Variants in ST6GALNAC3 observed in about 807,000 individuals in gnomAD.
ST6GALNAC3 encodes the protein alpha-N-acetylgalactosaminide alpha-2,6-sialyltransferase 3.
A neutral mutation model predicts 32.7 loss-of-function variants in ST6GALNAC3; 25 were observed. That is an observed-to-expected ratio of 0.76 (90% CI 0.56 to 1.07). The LOEUF is 1.07. Ranked by LOEUF, ST6GALNAC3 falls within the 50% of genes least tolerant of loss-of-function variation. The probability of loss-of-function intolerance (pLI) is 0.00; values close to 1 mark genes in which losing one functional copy is unlikely to be tolerated. For synonymous variants in ST6GALNAC3, 129 were observed against 133.1 expected, an observed-to-expected ratio of 0.97 and a Z score of 0.21; for missense variants, 355 against 382.4, an observed-to-expected ratio of 0.93 and a Z score of 0.60.
chr1:76,577,821 G>C (rs1557593449), intron 3 of ST6GALNAC3, among the ~76,000 whole-genome samples: 1 of 151,966 alleles, frequency 6.6e-6, no homozygotes, highest in Non-Finnish European at 1.5e-5. Context: ...TGTTCACTTG[G>C]AGAAAGAGAC....
chr1:76,488,517 C>G (rs930217517), intron 3 of ST6GALNAC3, among the ~76,000 whole-genome samples: 7 of 152,170 alleles, frequency 4.6e-5, no homozygotes, highest in Non-Finnish European at 2.9e-5. Flanking sequence ...TAACTAACAA[C>G]ATGAAAACCA....
intron 3 of ST6GALNAC3, among the ~76,000 whole-genome samples, chr1:76,528,804 G>C (rs747257447): frequency 6.6e-6 from 1 of 151,160 alleles, no homozygotes; most frequent in Admixed American, 6.6e-5. Context: ...GGCAAAATCA[G>C]CTCACCATAG....
chr1:76,353,895 A>T (rs942435485), intron 2 of ST6GALNAC3: 15 of 158,270 alleles, frequency 9.5e-5, no homozygotes, highest in Non-Finnish European at 2.1e-4. Flanking sequence ...CTACTCCCCA[A>T]ACCCAAGCAG....
At chr1:76,606,861 T>G (rs1307461293) in intron 3 of ST6GALNAC3, among the ~76,000 whole-genome samples, 2 of 151,220 alleles carry the variant, frequency 1.3e-5, no homozygotes, top group East Asian at 1.9e-4. Context: ...TGTGGGTTTT[T>G]TTTTTTTTTT....
intron 3 of ST6GALNAC3, among the ~76,000 whole-genome samples, chr1:76,503,230 C>T (rs1661282992): frequency 6.6e-6 from 1 of 152,240 alleles, no homozygotes; most frequent in Non-Finnish European, 1.5e-5. Flanking sequence ...AGAGCTCACT[C>T]TCTTGCCTTC....
intron 2 of ST6GALNAC3, among the ~76,000 whole-genome samples, chr1:76,356,238 T>C (rs1171646593): frequency 6.6e-6 from 1 of 152,150 alleles, no homozygotes; most frequent in African/African-American, 2.4e-5. Context: ...GAATCCATCC[T>C]CCATTGCCTT....
chr1:76,620,643 G>A (rs901091666), intron 3 of ST6GALNAC3, among the ~76,000 whole-genome samples: 8 of 151,930 alleles, frequency 5.3e-5, no homozygotes, highest in South Asian at 4.2e-4. Flanking sequence ...TCTTATCCCC[G>A]TAATCTCATC....
chr1:76,311,269 C>T (rs1010941087), intron 1 of ST6GALNAC3, among the ~76,000 whole-genome samples: 4 of 117,774 alleles, frequency 3.4e-5, no homozygotes, highest in African/African-American at 6.2e-5. Context: ...CCCCCCACCC[C>T]GCCTTTTTTT....
intron 2 of ST6GALNAC3, among the ~76,000 whole-genome samples, chr1:76,361,210 T>G (rs1280752462): frequency 1.3e-5 from 2 of 152,170 alleles, no homozygotes; most frequent in Non-Finnish European, 2.9e-5. Context: ...TCCATACACA[T>G]TAAACAACTC....
At chr1:76,239,566 A>G (rs116445380) in intron 1 of ST6GALNAC3, among the ~76,000 whole-genome samples, 2 of 152,132 alleles carry the variant, frequency 1.3e-5, no homozygotes, top group African/African-American at 4.8e-5. Context: ...GGAAGGGAGA[A>G]GATGCCAGAC....
intron 2 of ST6GALNAC3, among the ~76,000 whole-genome samples, chr1:76,375,043 A>T (rs1540964): frequency 6.6e-6 from 1 of 151,926 alleles, no homozygotes; most frequent in African/African-American, 2.4e-5. Flanking sequence ...AATTCCAAAA[A>T]CTTGCAAATT....
At chr1:76,329,741 A>G (rs1178270705) in intron 2 of ST6GALNAC3, among the ~76,000 whole-genome samples, 1 of 152,200 alleles carries the variant, frequency 6.6e-6, no homozygotes, top group Non-Finnish European at 1.5e-5. Context: ...CATTTCATGT[A>G]ACAAATAATC....
At chr1:76,449,152 C>G (rs1657203904) in intron 3 of ST6GALNAC3, among the ~76,000 whole-genome samples, 1 of 152,168 alleles carries the variant, frequency 6.6e-6, no homozygotes, top group Non-Finnish European at 1.5e-5. Context: ...TGAAAATGGA[C>G]TAATGCAAAC....
At chr1:76,627,883 G>C (rs144579225) in intron 4 of ST6GALNAC3, among the ~76,000 whole-genome samples, 58 of 152,022 alleles carry the variant, frequency 3.8e-4, no homozygotes, top group Non-Finnish European at 6.8e-4. Flanking sequence ...TGTCATTTCT[G>C]CTGCTCTGAT....
chr1:76,146,166 G>T (rs561390181), intron 1 of ST6GALNAC3, among the ~76,000 whole-genome samples: 223 of 152,306 alleles, frequency 1.5e-3, no homozygotes, highest in Admixed American at 4.6e-3. Context: ...TACGTTCCCA[G>T]ACTGATTAAA....
chr1:76,394,217 G>C (rs1652775220), intron 2 of ST6GALNAC3, among the ~76,000 whole-genome samples: 2 of 152,166 alleles, frequency 1.3e-5, no homozygotes, highest in African/African-American at 2.4e-5. Flanking sequence ...AGTGGTAATT[G>C]AACACAAATC....
intron 1 of ST6GALNAC3, among the ~76,000 whole-genome samples, chr1:76,148,337 GGAGAGAATGT>G (rs562822787): frequency 4.6e-5 from 7 of 152,148 alleles, no homozygotes; most frequent in Non-Finnish European, 1.0e-4. Flanking sequence ...CATCCCAGTA[GGAGAGAATGT>G]TCTACGAATT....
chr1:76,302,970 C>A (rs1660814428), intron 1 of ST6GALNAC3, among the ~76,000 whole-genome samples: 1 of 151,912 alleles, frequency 6.6e-6, no homozygotes, highest in African/African-American at 2.4e-5. Flanking sequence ...CAAATACCCC[C>A]TAGAGGTTTC....
At chr1:76,491,047 G>A (rs1660468700) in intron 3 of ST6GALNAC3, among the ~76,000 whole-genome samples, 1 of 151,798 alleles carries the variant, frequency 6.6e-6, no homozygotes, top group African/African-American at 2.4e-5. Context: ...TAGTAGAGAT[G>A]GGGTTTCTCC....
Sources: gnomAD v4.1 joint callset for allele counts (sites outside exome capture counted in the v4.1 genomes callset) on GRCh38, gnomAD v4.1.1 for gene constraint, MANE v1.5 for transcripts, NCBI Gene and HGNC (gene_info 2026-07-23, HGNC 2026-07-21) for gene names.